PDE4D: variants seen among roughly 807,000 people sequenced by gnomAD.
PDE4D encodes 3',5'-cyclic-AMP phosphodiesterase 4D.
PDE4D carries 24 observed loss-of-function variants against 87.4 expected under a neutral mutation model. That is an observed-to-expected ratio of 0.27 (90% CI 0.20 to 0.39). The LOEUF (loss-of-function observed/expected upper bound fraction) is 0.39. PDE4D is among the 10% of genes least tolerant of loss of function. PDE4D has a pLI of 1.00. For missense variants in PDE4D, 714 were observed against 1,041.0 expected, an observed-to-expected ratio of 0.69 and a Z score of 4.32; for synonymous variants, 384 against 383.2, an observed-to-expected ratio of 1.00 and a Z score of -0.02.
chr5:60,051,091 G>C (rs1770090848), intron 2 of PDE4D, among the ~76,000 whole-genome samples: 1 of 152,050 alleles, frequency 6.6e-6, no homozygotes, highest in South Asian at 2.1e-4. Context: ...CAATAATATT[G>C]GGAGACTTTA....
rs561040238 is a variant in PDE4D at position 60,306,843 on chromosome 5, G to A, written c.-89-121156C>T. Among the ~76,000 whole-genome samples, 322 of 152,016 alleles carry A rather than the reference G, an allele frequency of 2.1e-3. 3 individuals carry two copies. Among genetic ancestry groups the A allele is most frequent in the African/African-American group, 7.3e-3 (305 of 41,536 alleles). On this transcript the variant is annotated intron_variant, in intron 1 of 16. Transcript: ENST00000502484. ...ATATATAGCAGAAACAAAAGAAAAAGACTTTTAGAAAAGTCGATCTAAACC... is the reference window on the plus strand; with the variant it reads ...ATATATAGCAGAAACAAAAGAAAAAAACTTTTAGAAAAGTCGATCTAAACC...
chr5:59,927,360 G>T (rs1755405540), intron 3 of PDE4D, among the ~76,000 whole-genome samples: 1 of 152,130 alleles, frequency 6.6e-6, no homozygotes, highest in Admixed American at 6.5e-5. Flanking sequence ...TTAATATAGT[G>T]TGAATGTGAC....
At chr5:59,840,445 A>G (rs773757683) in intron 1 of PDE4D, among the ~76,000 whole-genome samples, 1 of 151,894 alleles carries the variant, frequency 6.6e-6, no homozygotes, top group Non-Finnish European at 1.5e-5. Flanking sequence ...CCATATCACC[A>G]GCTCCTAGAG....
At chr5:59,904,844 A>T (rs186751508) in intron 3 of PDE4D, among the ~76,000 whole-genome samples, 2 of 152,294 alleles carry the variant, frequency 1.3e-5, no homozygotes, top group African/African-American at 4.8e-5. Flanking sequence ...TTGGGAAAAG[A>T]TGCTGTTTAT....
chr5:59,876,011 C>A (rs1365097712), intron 1 of PDE4D, among the ~76,000 whole-genome samples: 1 of 152,066 alleles, frequency 6.6e-6, no homozygotes, highest in South Asian at 2.1e-4. Context: ...CTAATAGATG[C>A]TAGGCTTAAT....
At chr5:59,256,551 C>T (rs1761001121) in intron 1 of PDE4D, among the ~76,000 whole-genome samples, 1 of 151,570 alleles carries the variant, frequency 6.6e-6, no homozygotes, top group African/African-American at 2.4e-5. Flanking sequence ...AAACTGTTGT[C>T]AAAAAAAATT....
intron 1 of PDE4D, among the ~76,000 whole-genome samples, chr5:59,249,534 T>C (rs1326378174): frequency 6.6e-6 from 1 of 152,156 alleles, no homozygotes; most frequent in Non-Finnish European, 1.5e-5. Context: ...TGGGAAAAGC[T>C]AGAAACAGCC....
intron 1 of PDE4D, among the ~76,000 whole-genome samples, chr5:59,702,539 C>CAACA (rs901644992): frequency 6.7e-6 from 1 of 150,102 alleles, no homozygotes; most frequent in African/African-American, 2.5e-5. Flanking sequence ...GCTCAACAGA[C>CAACA]AACAAACAAA....
At chr5:59,999,054 G>C (rs915701558) in intron 2 of PDE4D, among the ~76,000 whole-genome samples, 1 of 152,122 alleles carries the variant, frequency 6.6e-6, no homozygotes, top group African/African-American at 2.4e-5. Context: ...TTTATGAAAA[G>C]TCTAGAAACC....
At chr5:59,427,978 AG>A (rs1795553742) in intron 1 of PDE4D, among the ~76,000 whole-genome samples, 1 of 152,216 alleles carries the variant, frequency 6.6e-6, no homozygotes, top group Admixed American at 6.5e-5. Context: ...TCGCAAATAT[AG>A]AAAGTAATTA....
At chr5:59,704,533 G>A (rs1331875569) in intron 1 of PDE4D, among the ~76,000 whole-genome samples, 1 of 152,158 alleles carries the variant, frequency 6.6e-6, no homozygotes, top group Admixed American at 6.5e-5. Context: ...TTTAAATGGT[G>A]CCAGCATTGT....
At chr5:59,182,466 T>G (rs1741895258) in intron 4 of PDE4D, among the ~76,000 whole-genome samples, 1 of 151,978 alleles carries the variant, frequency 6.6e-6, no homozygotes. Context: ...TCTTGCTGTG[T>G]GTAACAGGGT....
intron 3 of PDE4D, among the ~76,000 whole-genome samples, chr5:59,981,005 A>G (rs1035948302): frequency 6.6e-6 from 1 of 152,162 alleles, no homozygotes; most frequent in African/African-American, 2.4e-5. Context: ...TAGTCCCAGC[A>G]CTTTGGGAGG....
intron 1 of PDE4D, among the ~76,000 whole-genome samples, chr5:60,423,782 A>T (rs1350570804): frequency 6.6e-6 from 1 of 152,116 alleles, no homozygotes; most frequent in Non-Finnish European, 1.5e-5. Context: ...AAGATCAAAA[A>T]AATAGACTGC....
chr5:59,672,605 C>G (rs1747406037), intron 1 of PDE4D, among the ~76,000 whole-genome samples: 1 of 152,066 alleles, frequency 6.6e-6, no homozygotes, highest in Non-Finnish European at 1.5e-5. Context: ...TGCATAATCT[C>G]TTTTCATTTT....
intron 1 of PDE4D, among the ~76,000 whole-genome samples, chr5:59,263,217 T>C (rs1326275975): frequency 6.6e-6 from 1 of 151,970 alleles, no homozygotes; most frequent in Non-Finnish European, 1.5e-5. Flanking sequence ...AGGACAGATG[T>C]TGAATGCCCA....
Position 60,150,856 on chromosome 5 carries a change from TTG to T in PDE4D, c.42+34699_42+34700del, listed in dbSNP as rs376472023. Among the ~76,000 whole-genome samples, 106 of 152,270 alleles carry T rather than the reference TTG, an allele frequency of 7.0e-4. 1 individual carries two copies. The highest frequency in any genetic ancestry group is 2.5e-3 in the African/African-American group (105 of 41,566). ...AAGGTAACTAGGCAAACTCATGAGT[TTG>T]TCTCTACACATGTCAGTAAAAACGT... On this transcript the variant is annotated intron_variant, in intron 2 of 16. Coordinates refer to the PDE4D transcript ENST00000502484.
chr5:60,030,710 C>T (rs148854570), intron 2 of PDE4D: 114 of 152,242 alleles, frequency 7.5e-4, no homozygotes, highest in African/African-American at 2.5e-3. Context: ...CACGAGTTTA[C>T]CTTTATAACA....
Position 58,991,925 on chromosome 5 carries a change from A to G in PDE4D, c.1095T>C (p.Ser365=). 6.2e-7 allele frequency: 1 copy of G among 1,606,352 alleles called. No homozygotes were observed. The highest frequency in any genetic ancestry group is 8.5e-7 in the Non-Finnish European group (1 of 1,175,872). ...AGCTGTGCATCAATTTCTTGACTCC[A>G]CTGATCTGAGACATTGGTCTTTTCT... ...EKKKRPMSQI[S]GVKKLMHSSS... Residue 365 remains serine (S), a synonymous_variant, in exon 8 of 15, where the codon AGT becomes AGC. Coordinates refer to ENST00000340635, the MANE Select transcript of PDE4D (RefSeq NM_001104631.2).
Sources: gnomAD v4.1 joint callset for allele counts (sites outside exome capture counted in the v4.1 genomes callset) on GRCh38, gnomAD v4.1.1 for gene constraint, MANE v1.5 for transcripts, NCBI Gene and HGNC (gene_info 2026-07-23, HGNC 2026-07-21) for gene names.